The following GPATCH8 variants were observed in gnomAD, a reference collection of about 807,000 sequenced individuals.
GPATCH8 encodes the protein G-patch domain containing 8, also known as G patch domain-containing protein 8.
In GPATCH8, 18 loss-of-function variants were observed where a neutral mutation model predicts 118.3. That is an observed-to-expected ratio of 0.15 (90% CI 0.11 to 0.23). The LOEUF (loss-of-function observed/expected upper bound fraction) is 0.23. Ranked by LOEUF, GPATCH8 falls within the 10% of genes least tolerant of loss-of-function variation. GPATCH8 has a pLI of 1.00. For missense variants in GPATCH8, 1,631 were observed against 1,873.8 expected, an observed-to-expected ratio of 0.87 and a Z score of 2.39; for synonymous variants, 659 against 684.7, an observed-to-expected ratio of 0.96 and a Z score of 0.59.
intron 2 of GPATCH8, among the ~76,000 whole-genome samples, chr17:44,469,732 C>T (rs1568034747): frequency 6.6e-6 from 1 of 151,974 alleles, no homozygotes; most frequent in Non-Finnish European, 1.5e-5. Context: ...ATTCCCGAAA[C>T]AAAAAAACTC....
Position 44,401,312 on chromosome 17 carries a change from T to C in GPATCH8, c.765A>G (p.Thr255=). 6.2e-7 allele frequency: 1 copy of C among 1,610,558 alleles called. No individual in the cohort carries two copies. Among genetic ancestry groups the C allele is most frequent in the Middle Eastern group, 1.7e-4 (1 of 6,030 alleles). The part of the protein sequence containing the change: ...ASCGLGSEFS[T]DKGGPFTAVQ... ...CTGCAGTGAAAGGGCCTCCTTTATC[T>C]GTGGAGAATTCAGATCCCAGGCCAC... The change falls in exon 8 of 8, where the codon ACA becomes ACG. Residue 255 remains threonine (T), a synonymous_variant. Coordinates refer to ENST00000591680, the MANE Select transcript of GPATCH8 (RefSeq NM_001002909.4).
Position 44,410,229 on chromosome 17 carries a change from G to A in GPATCH8, c.493-4178C>T, listed in dbSNP as rs189923519. 3.5e-3 allele frequency among the ~76,000 whole-genome samples: 526 copies of A among 152,290 alleles called. 3 individuals are homozygous for A. The highest frequency in any genetic ancestry group is 4.0e-3 in the Non-Finnish European group (275 of 68,020). On this transcript the variant is annotated intron_variant, in intron 6 of 7. Transcript: ENST00000591680. ...GGCTCATTTGTCACGGAATACCCAC[G>A]TGAAATTCTGTGAATTGTACCTGCA...
intron 3 of GPATCH8, among the ~76,000 whole-genome samples, chr17:44,462,765 G>A (rs1241560407): frequency 7.2e-5 from 11 of 151,966 alleles, no homozygotes; most frequent in African/African-American, 2.4e-4. Flanking sequence ...GGCGGATCAC[G>A]AGATCAGGAG....
At chr17:44,446,193 T>C (rs1598509926) in intron 3 of GPATCH8, among the ~76,000 whole-genome samples, 1 of 151,866 alleles carries the variant, frequency 6.6e-6, no homozygotes, top group Non-Finnish European at 1.5e-5. Flanking sequence ...CGAGTTATCC[T>C]TCTGCCTCAA....
At chr17:44,465,879 G>T (rs969181175) in intron 2 of GPATCH8, 1 of 152,186 alleles carries the variant, frequency 6.6e-6, no homozygotes, top group African/African-American at 2.4e-5. Context: ...TCCCTAACTA[G>T]AAGTTAGAAG....
chr17:44,437,956 A>AC (rs2050568588), intron 3 of GPATCH8, among the ~76,000 whole-genome samples: 1 of 122,904 alleles, frequency 8.1e-6, no homozygotes, highest in African/African-American at 2.6e-5. Context: ...AAAAAAAAAA[A>AC]AAACAAAACA....
intron 2 of GPATCH8, among the ~76,000 whole-genome samples, chr17:44,472,851 G>A (rs530291577): frequency 8.1e-4 from 121 of 149,724 alleles, no homozygotes; most frequent in African/African-American, 2.9e-3. Context: ...GCCTACCACT[G>A]CGCCCGGCTA....
At position 44,401,145 on chromosome 17, in the gene GPATCH8, T is replaced by C. The variant is rs1212367348; in HGVS notation, c.932A>G (p.Lys311Arg). Residue 311 changes from lysine to arginine, a missense_variant, in exon 8 of 8, where the codon AAA (lysine) becomes AGA (arginine). By Grantham distance (26) the Lys-to-Arg change is conservative. Coordinates refer to ENST00000591680, the MANE Select transcript of GPATCH8 (RefSeq NM_001002909.4). ...GAAAACTGATGCTATTGATTCGAGTTTGACAGGAGCCTTTTTGGCAAAAGA... is the reference window on the plus strand; with the variant it reads ...GAAAACTGATGCTATTGATTCGAGTCTGACAGGAGCCTTTTTGGCAAAAGA... The part of the protein sequence containing the change: ...SFSFAKKAPV[K>R]LESIASVFKD... 1 of 1,614,224 alleles carries C rather than the reference T, an allele frequency of 6.2e-7. No homozygotes were observed.
intron 3 of GPATCH8, chr17:44,436,876 A>G (rs1437019025): frequency 3.3e-6 from 1 of 304,186 alleles, no homozygotes; most frequent in Admixed American, 4.6e-5. Flanking sequence ...AGATCCCCAA[A>G]TAACTTCCCA....
chr17:44,457,762 G>A (rs570191170), intron 3 of GPATCH8, among the ~76,000 whole-genome samples: 25 of 152,190 alleles, frequency 1.6e-4, no homozygotes, highest in Middle Eastern at 3.4e-3. Context: ...GTGAGACCTA[G>A]TCTCTACAAG....
intron 5 of GPATCH8, among the ~76,000 whole-genome samples, chr17:44,427,981 T>C (rs892990436): frequency 1.3e-5 from 2 of 152,112 alleles, no homozygotes; most frequent in Admixed American, 1.3e-4. Context: ...GACCACATAA[T>C]AACTTAAAAA....
At chr17:44,489,737 G>A (rs1969091969) in intron 1 of GPATCH8, among the ~76,000 whole-genome samples, 1 of 152,190 alleles carries the variant, frequency 6.6e-6, no homozygotes. Context: ...AATAATAGTA[G>A]TAGTAATGAT....
chr17:44,397,467 C>T lies in GPATCH8; in HGVS notation c.*101G>A. 4 of 830,736 alleles carry T rather than the reference C, an allele frequency of 4.8e-6. No homozygotes were observed. Among genetic ancestry groups the T allele is most frequent in the Non-Finnish European group, 8.3e-6 (4 of 483,010 alleles). 51.5% of individuals were successfully genotyped at this position (830,736 alleles called of 1,614,324 possible). On this transcript the variant is annotated 3_prime_UTR_variant, in exon 8 of 8. Coordinates refer to ENST00000591680, the MANE Select transcript of GPATCH8 (RefSeq NM_001002909.4). ...TCAATTCTTTGGCTGTCAGACACTGCCCATCCCAGCTTCTACTTGCTGGTA... is the reference window on the plus strand; with the variant it reads ...TCAATTCTTTGGCTGTCAGACACTGTCCATCCCAGCTTCTACTTGCTGGTA...
chr17:44,432,046 G>A (rs1260989621), intron 5 of GPATCH8, among the ~76,000 whole-genome samples: 1 of 149,368 alleles, frequency 6.7e-6, no homozygotes, highest in Non-Finnish European at 1.5e-5. Context: ...AATCAGAGTG[G>A]GTTTTTTTTT....
At chr17:44,448,590 A>G (rs2050993038) in intron 3 of GPATCH8, among the ~76,000 whole-genome samples, 1 of 150,482 alleles carries the variant, frequency 6.6e-6, no homozygotes, top group Admixed American at 6.6e-5. Flanking sequence ...GAAGAAGAAG[A>G]AGAAGAAACA....
chr17:44,426,697 A>G (rs2050100628), intron 5 of GPATCH8, among the ~76,000 whole-genome samples: 1 of 152,074 alleles, frequency 6.6e-6, no homozygotes, highest in Admixed American at 6.6e-5. Flanking sequence ...ATAGTGTGAC[A>G]ATGAAAATGG....
chr17:44,485,286 A>C (rs1054912574), intron 1 of GPATCH8, among the ~76,000 whole-genome samples: 5 of 151,648 alleles, frequency 3.3e-5, no homozygotes, highest in African/African-American at 1.2e-4. Context: ...TCATTTAAAA[A>C]TTTTTTTTTG....
intron 3 of GPATCH8, among the ~76,000 whole-genome samples, chr17:44,440,563 C>T (rs2050654631): frequency 6.6e-6 from 1 of 152,160 alleles, no homozygotes; most frequent in African/African-American, 2.4e-5. Context: ...GTGAGCTGCA[C>T]ATCAGCCTAT....
rs1163996866 is a variant in GPATCH8, at chr17:44,497,460, C to T, written c.45+5866G>A. On this transcript the variant is annotated intron_variant, in intron 1 of 7. Transcript: ENST00000591680. Reference sequence around the variant, plus strand: ...AAAAAATTAGCAGGGCTTGGTGACACACCTGTAGCCCCAGGTACTCAGGAG... The same window carrying T: ...AAAAAATTAGCAGGGCTTGGTGACATACCTGTAGCCCCAGGTACTCAGGAG... 4.6e-5 allele frequency among the ~76,000 whole-genome samples: 7 copies of T among 151,624 alleles called. No individual in the cohort carries two copies. The South Asian group carries it at 6.3e-4, about 14-fold the overall frequency.
Sources: gnomAD v4.1 joint callset for allele counts (sites outside exome capture counted in the v4.1 genomes callset) on GRCh38, gnomAD v4.1.1 for gene constraint, MANE v1.5 for transcripts, NCBI Gene and HGNC (gene_info 2026-07-23, HGNC 2026-07-21) for gene names.